Variants in VGLL4 observed in about 807,000 individuals in gnomAD.
The protein encoded by VGLL4 is vestigial like family member 4.
Under a neutral mutation model 21.0 loss-of-function variants are expected in VGLL4, and 7 were observed. That is an observed-to-expected ratio of 0.33 (90% CI 0.19 to 0.63). The LOEUF is 0.63. Ranked by LOEUF, VGLL4 falls within the 20% of genes least tolerant of loss-of-function variation. The pLI is 0.78. For missense variants in VGLL4, 394 were observed against 425.7 expected (o/e 0.93, Z 0.66); for synonymous variants, 222 against 173.2 (o/e 1.28, Z -2.21).
intron 1 of VGLL4, among the ~76,000 whole-genome samples, chr3:11,623,507 C>A (rs1032684215): frequency 6.6e-6 from 1 of 152,102 alleles, no homozygotes; most frequent in African/African-American, 2.4e-5. Context: ...TCGAAGTGGA[C>A]CCTCGAAGTT....
rs140744534 is a variant in VGLL4 at position 11,587,451 on chromosome 3, C to T, written c.272+14382G>A. ...TAAGACAAAATGATGTGGTGTCATT[C>T]AAAACCAACACACAGAGGATGACAG... On this transcript the variant is annotated intron_variant, in intron 2 of 4. Transcript: ENST00000430365. Among the ~76,000 whole-genome samples, 970 of 152,330 alleles carry T rather than the reference C, an allele frequency of 6.4e-3. 5 individuals are homozygous for T. Among genetic ancestry groups the T allele is most frequent in the Non-Finnish European group, 0.012 (788 of 68,020 alleles).
chr3:11,675,787 T>C (rs2076280802), intron 2 of VGLL4, among the ~76,000 whole-genome samples: 1 of 152,200 alleles, frequency 6.6e-6, no homozygotes, highest in African/African-American at 2.4e-5. Flanking sequence ...TTATATAAGT[T>C]ATACCCAATA....
At chr3:11,573,886 G>T (rs1176869475) in intron 2 of VGLL4, among the ~76,000 whole-genome samples, 1 of 152,172 alleles carries the variant, frequency 6.6e-6, no homozygotes, top group Non-Finnish European at 1.5e-5. Context: ...GGTTATGAGG[G>T]CGTGCTCTAA....
At chr3:11,605,519 T>C (rs925561344) in intron 1 of VGLL4, among the ~76,000 whole-genome samples, 1 of 151,888 alleles carries the variant, frequency 6.6e-6, no homozygotes, top group African/African-American at 2.4e-5. Context: ...ACAGAGAACT[T>C]GTTCTTCCCC....
intron 2 of VGLL4, among the ~76,000 whole-genome samples, chr3:11,600,392 G>A (rs1447356472): frequency 6.6e-6 from 1 of 151,450 alleles, no homozygotes; most frequent in Non-Finnish European, 1.5e-5. Context: ...AAGACCAAAT[G>A]TTCTTATTTG....
rs565190313 is a variant in VGLL4, at chr3:11,654,814, A to G, written c.64+48157T>C. On this transcript the variant is annotated intron_variant, in intron 2 of 5. Transcript: ENST00000273038. The stretch of plus-strand genomic sequence containing the variant: ...CCCAGTGAGAGAAGACAGAATCTTT[A>G]TAAAACAAGCAGGTGGTTTAGATTT... 2.2e-3 allele frequency among the ~76,000 whole-genome samples: 342 copies of G among 152,340 alleles called. 2 individuals carry two copies. Among genetic ancestry groups the G allele is most frequent in the Non-Finnish European group, 3.1e-3 (211 of 68,032 alleles).
At chr3:11,696,919 T>A (rs973443320) in intron 2 of VGLL4, among the ~76,000 whole-genome samples, 1 of 152,080 alleles carries the variant, frequency 6.6e-6, no homozygotes, top group Non-Finnish European at 1.5e-5. Flanking sequence ...ATTTTTAAAT[T>A]TTTTGTAGAG....
At chr3:11,682,916 T>C (rs2076396727) in intron 2 of VGLL4, among the ~76,000 whole-genome samples, 2 of 152,072 alleles carry the variant, frequency 1.3e-5, no homozygotes, top group African/African-American at 4.8e-5. Context: ...AGAGGTTTCC[T>C]GCAAGTGGGG....
At position 11,604,256 on chromosome 3, in the gene VGLL4, C is replaced by A. The variant is rs190464917; in HGVS notation, c.83-2234G>T. 8.4e-4 allele frequency: 454 copies of A among 537,660 alleles called. 53 individuals are homozygous for A. The Admixed American group carries it at 0.03, about 35-fold the overall frequency. The allele number at this position is 537,660 out of a possible 1,614,324, so 33.3% of individuals were successfully genotyped here. On this transcript the variant is annotated intron_variant, in intron 1 of 4. Coordinates refer to ENST00000430365, the MANE Select transcript of VGLL4 (RefSeq NM_001128219.3). ...CTCAGCTTGCCGGCGCCGGAAGGAGCCCAGGAAGCACGGTTTGCCTCATTT... is the reference window on the plus strand; with the variant it reads ...CTCAGCTTGCCGGCGCCGGAAGGAGACCAGGAAGCACGGTTTGCCTCATTT...
rs532392095 is a variant in VGLL4 at position 11,578,414 on chromosome 3, C to T, written c.273-13395G>A. 7.2e-5 allele frequency among the ~76,000 whole-genome samples: 11 copies of T among 152,240 alleles called. No homozygotes were observed. In the East Asian group the frequency reaches 1.9e-3, roughly 27 times the overall value. ...AGCATGGTCACAACTGCCTGAATGCCAGCCGCCTTCCCATGGTCCAGCCCT... is the reference window on the plus strand; with the variant it reads ...AGCATGGTCACAACTGCCTGAATGCTAGCCGCCTTCCCATGGTCCAGCCCT... On this transcript the variant is annotated intron_variant, in intron 2 of 4. Transcript: ENST00000430365.
intron 3 of VGLL4, among the ~76,000 whole-genome samples, chr3:11,560,069 C>T (rs530026735): frequency 3.3e-5 from 5 of 152,222 alleles, no homozygotes; most frequent in Admixed American, 2.0e-4. Context: ...CCCACCCCCA[C>T]GCTGTCTGCC....
intron 1 of VGLL4, among the ~76,000 whole-genome samples, chr3:11,710,903 C>A: frequency 6.6e-6 from 1 of 151,698 alleles, no homozygotes; most frequent in East Asian, 1.9e-4. Context: ...AGTTCGAAAC[C>A]AGTCTGGCCA....
Position 11,591,824 on chromosome 3 carries a change from G to A in VGLL4, c.272+10009C>T, listed in dbSNP as rs182159076. On this transcript the variant is annotated intron_variant, in intron 2 of 4. Coordinates refer to ENST00000430365, the MANE Select transcript of VGLL4 (RefSeq NM_001128219.3). The stretch of plus-strand genomic sequence containing the variant: ...AAACCTCACAGAGAATCAGTTCCTC[G>A]GTGACGATCCTCCCTAATGGGAATG... 2.6e-5 allele frequency among the ~76,000 whole-genome samples: 4 copies of A among 152,336 alleles called. No homozygotes were observed. In the East Asian group the frequency reaches 7.7e-4, roughly 29 times the overall value.
intron 2 of VGLL4, among the ~76,000 whole-genome samples, chr3:11,572,887 G>T (rs2073831584): frequency 6.6e-6 from 1 of 152,104 alleles, no homozygotes; most frequent in Admixed American, 6.5e-5. Flanking sequence ...ACCCCCGTAG[G>T]CCAGGCGCAG....
At chr3:11,696,795 G>A (rs769638855) in intron 2 of VGLL4, among the ~76,000 whole-genome samples, 30 of 152,142 alleles carry the variant, frequency 2.0e-4, no homozygotes, top group Non-Finnish European at 4.1e-4. Flanking sequence ...CTGGAGTGCG[G>A]TGGCACCATC....
At chr3:11,700,406 A>G (rs1330825701) in intron 2 of VGLL4, among the ~76,000 whole-genome samples, 4 of 152,218 alleles carry the variant, frequency 2.6e-5, no homozygotes, top group Non-Finnish European at 5.9e-5. Flanking sequence ...AACTGACTAT[A>G]TTGGCGCTCA....
At chr3:11,561,886 C>A (rs992914352) in intron 3 of VGLL4, among the ~76,000 whole-genome samples, 1 of 138,446 alleles carries the variant, frequency 7.2e-6, no homozygotes, top group African/African-American at 2.7e-5. Flanking sequence ...GCTGGCTGCG[C>A]CAAACTTTTT....
rs1189011312 is a variant in VGLL4, at chr3:11,719,941, G to A, written c.-14+453C>T. Among the ~76,000 whole-genome samples, 6 of 98,992 alleles carry A rather than the reference G, an allele frequency of 6.1e-5. No homozygotes were observed. The highest frequency in any genetic ancestry group is 1.0e-4 in the Non-Finnish European group (5 of 49,504). The allele number at this position is 98,992 out of a possible 152,430, so 64.9% of individuals were successfully genotyped here. ...CATGGCGCACACTGCTGTGGACACGGCATCTCGCACGCCCCCGCCCCCGAG... is the reference window on the plus strand; with the variant it reads ...CATGGCGCACACTGCTGTGGACACGACATCTCGCACGCCCCCGCCCCCGAG... On this transcript the variant is annotated intron_variant, in intron 1 of 5. Transcript: ENST00000273038. The surrounding 1 kb of genome is among the most constrained non-coding windows in gnomAD (Gnocchi z 4.0).
rs1049518774 is a variant in VGLL4, at chr3:11,556,562, A to ATAAC, written c.*1990_*1993dup. 1 of 152,726 alleles carries ATAAC rather than the reference A, an allele frequency of 6.5e-6. No individual in the cohort carries two copies. The highest frequency in any genetic ancestry group is 6.5e-5 in the Admixed American group (1 of 15,270). The allele number at this position is 152,726 out of a possible 1,614,324, so 9.5% of individuals were successfully genotyped here. A position where few individuals can be genotyped will look rare whatever the true frequency, so the allele number is the denominator to read the frequency against. ...AATGCAGATGCAGTGTTCTCATAGA[A>ATAAC]TAACTGTTCCTGCACTTTTACAGAC... On this transcript the variant is annotated 3_prime_UTR_variant, in exon 5 of 5. Transcript: ENST00000430365.
Sources: allele counts gnomAD v4.1 joint callset (sites outside exome capture counted in the v4.1 genomes callset), GRCh38; gene constraint gnomAD v4.1.1; non-coding constraint Gnocchi (gnomAD v3.1); transcripts MANE v1.5; gene names NCBI Gene and HGNC (gene_info 2026-07-23, HGNC 2026-07-21).